Variants in GPATCH2 observed in about 807,000 individuals in gnomAD.
GPATCH2 encodes the protein G patch domain-containing protein 2.
GPATCH2 carries 51 observed loss-of-function variants against 58.0 expected under a neutral mutation model. The ratio of observed to expected loss-of-function variants is 0.88; its 90% CI spans 0.70 to 1.11. The LOEUF is 1.11. Among genes scored for constraint, GPATCH2 ranks in the 50% most tolerant of loss-of-function variants. The probability of loss-of-function intolerance (pLI) is 0.00; values close to 1 mark genes in which losing one functional copy is unlikely to be tolerated. For missense variants in GPATCH2, 625 were observed against 652.2 expected, an observed-to-expected ratio of 0.96 and a Z score of 0.45; for synonymous variants, 222 against 218.5, an observed-to-expected ratio of 1.02 and a Z score of -0.14.
chr1:217,624,152 A>G (rs1014945964), intron 1 of GPATCH2, among the ~76,000 whole-genome samples: 2 of 152,182 alleles, frequency 1.3e-5, no homozygotes, highest in Non-Finnish European at 2.9e-5. Context: ...AATACCAACC[A>G]AAACCCATGC....
At chr1:217,628,352 G>A (rs955304184) in intron 1 of GPATCH2, among the ~76,000 whole-genome samples, 4 of 151,966 alleles carry the variant, frequency 2.6e-5, no homozygotes, top group Non-Finnish European at 2.9e-5. Context: ...CAAAGACAAC[G>A]TAAAGGCTTC....
chr1:217,616,548 T>C (rs899180841), intron 2 of GPATCH2, among the ~76,000 whole-genome samples: 2 of 152,190 alleles, frequency 1.3e-5, no homozygotes, highest in Non-Finnish European at 2.9e-5. Context: ...TTGGCATGCA[T>C]GTATACAACA....
At chr1:217,469,661 T>C (rs1305619277) in intron 8 of GPATCH2, among the ~76,000 whole-genome samples, 1 of 152,136 alleles carries the variant, frequency 6.6e-6, no homozygotes, top group Non-Finnish European at 1.5e-5. Flanking sequence ...TATTCATTAT[T>C]AAGTAAAACA....
At chr1:217,620,566 A>G in intron 1 of GPATCH2, 67 bp from the exon 2 acceptor site, 1 of 895,020 alleles carries the variant, frequency 1.1e-6, no homozygotes, top group East Asian at 2.4e-5. Context: ...ATTTTCTATA[A>G]CAGACAATTC....
intron 8 of GPATCH2, among the ~76,000 whole-genome samples, chr1:217,464,204 T>C (rs1205883486): frequency 1.3e-5 from 2 of 152,174 alleles, no homozygotes; most frequent in Non-Finnish European, 2.9e-5. Flanking sequence ...GTTGAATGTA[T>C]ATAATAACAT....
At chr1:217,468,140 A>C (rs1298279790) in intron 8 of GPATCH2, among the ~76,000 whole-genome samples, 2 of 152,214 alleles carry the variant, frequency 1.3e-5, no homozygotes, top group Non-Finnish European at 2.9e-5. Flanking sequence ...GTAATCACAT[A>C]GTTGGGGAGG....
At chr1:217,515,077 G>C (rs1405821519) in intron 5 of GPATCH2, among the ~76,000 whole-genome samples, 188 bp from the exon 6 acceptor site, 2 of 151,736 alleles carry the variant, frequency 1.3e-5, no homozygotes, top group Non-Finnish European at 1.5e-5. Flanking sequence ...ACTTGTTTTG[G>C]TCTAGTGTAT....
chr1:217,496,385 G>A (rs1662007325), intron 7 of GPATCH2, among the ~76,000 whole-genome samples: 1 of 152,136 alleles, frequency 6.6e-6, no homozygotes, highest in Non-Finnish European at 1.5e-5. Context: ...CTTGTTTCAA[G>A]CTCTCATAGT....
At chr1:217,603,699 T>G (rs1397333186) in intron 5 of GPATCH2, among the ~76,000 whole-genome samples, 1 of 152,164 alleles carries the variant, frequency 6.6e-6, no homozygotes, top group Non-Finnish European at 1.5e-5. Flanking sequence ...CTCCGCTCAC[T>G]GCAACCTCCA....
chr1:217,498,492 G>A, intron 6 of GPATCH2, 97 bp from the exon 7 acceptor site: 1 of 857,376 alleles, frequency 1.2e-6, no homozygotes, highest in Non-Finnish European at 2.0e-6. Flanking sequence ...TTTGTCACCA[G>A]CAACACAGCC....
chr1:217,461,381 T>C (rs1296215864), intron 8 of GPATCH2, among the ~76,000 whole-genome samples: 2 of 152,156 alleles, frequency 1.3e-5, no homozygotes, highest in Non-Finnish European at 2.9e-5. Flanking sequence ...GAGAAAACAG[T>C]ATTTTCTGCC....
chr1:217,587,346 A>G (rs2102758644), intron 5 of GPATCH2, among the ~76,000 whole-genome samples: 1 of 152,266 alleles, frequency 6.6e-6, no homozygotes, highest in South Asian at 2.1e-4. Flanking sequence ...TTCCCAGACA[A>G]ACTGTACCAC....
At chr1:217,522,560 C>T (rs1252394616) in intron 5 of GPATCH2, among the ~76,000 whole-genome samples, 1 of 152,076 alleles carries the variant, frequency 6.6e-6, no homozygotes, top group Non-Finnish European at 1.5e-5. Flanking sequence ...AAGGATATGG[C>T]CACATATGTT....
At chr1:217,619,597 A>G (rs1669079451) in intron 2 of GPATCH2, among the ~76,000 whole-genome samples, 186 bp downstream of exon 2, 1 of 152,202 alleles carries the variant, frequency 6.6e-6, no homozygotes. Context: ...GTGTAAATCA[A>G]ACAAGCAATT....
chr1:217,440,932 C>T (rs1291589580), intron 9 of GPATCH2, among the ~76,000 whole-genome samples: 2 of 152,118 alleles, frequency 1.3e-5, no homozygotes, highest in African/African-American at 4.8e-5. Context: ...GCCACGCTGC[C>T]CAAGTAATTT....
chr1:217,449,910 GC>G (rs1490465195), intron 8 of GPATCH2, among the ~76,000 whole-genome samples: 1 of 152,074 alleles, frequency 6.6e-6, no homozygotes, highest in Non-Finnish European at 1.5e-5. Flanking sequence ...CTGGTCTACT[GC>G]TATTTAACAT....
rs973805599 is a variant in GPATCH2, at chr1:217,428,407, A to G, written c.*2738T>C. On this transcript the variant is annotated 3_prime_UTR_variant, in exon 10 of 10. Transcript: ENST00000366935. Reference sequence around the variant, plus strand: ...CGTTGTAACTGGCAAAAAATTAACTATATATAAAAGACAAATTAGTGGGCT... The same window carrying G: ...CGTTGTAACTGGCAAAAAATTAACTGTATATAAAAGACAAATTAGTGGGCT... 1 of 152,222 alleles carries G rather than the reference A, an allele frequency of 6.6e-6. No homozygotes were observed. Among genetic ancestry groups the G allele is most frequent in the Non-Finnish European group, 1.5e-5 (1 of 68,034 alleles). 9.4% of individuals were successfully genotyped at this position (152,222 alleles called of 1,614,324 possible).
intron 6 of GPATCH2, among the ~76,000 whole-genome samples, chr1:217,499,197 C>T (rs183165113): frequency 6.6e-6 from 1 of 152,188 alleles, no homozygotes; most frequent in Admixed American, 6.5e-5. Context: ...TAAAGGCCCA[C>T]GATCACAGGG....
chr1:217,436,522 ATGT>A (rs1658840761), intron 9 of GPATCH2, among the ~76,000 whole-genome samples: 1 of 152,178 alleles, frequency 6.6e-6, no homozygotes, highest in African/African-American at 2.4e-5. Context: ...TTTAGCAGAG[ATGT>A]TGTACAAACC....
Sources: allele counts gnomAD v4.1 joint callset (sites outside exome capture counted in the v4.1 genomes callset), GRCh38; gene constraint gnomAD v4.1.1; transcripts MANE v1.5; gene names NCBI Gene and HGNC (gene_info 2026-07-23, HGNC 2026-07-21).